Variants in ZNF521 observed in about 807,000 individuals in gnomAD.
ZNF521 encodes zinc finger protein 521.
In ZNF521, 14 loss-of-function variants were observed where a neutral mutation model predicts 105.5. That is an observed-to-expected ratio of 0.13 (90% CI 0.09 to 0.21). ZNF521 has a LOEUF of 0.21. ZNF521 is among the 10% of genes least tolerant of loss of function. ZNF521 has a pLI of 1.00. For missense variants in ZNF521, 1,233 were observed against 1,629.7 expected (o/e 0.76, Z 4.19); for synonymous variants, 635 against 606.0 (o/e 1.05, Z -0.70).
chr18:25,312,620 G>A (rs1912374428), intron 3 of ZNF521, among the ~76,000 whole-genome samples: 1 of 50,616 alleles, frequency 2.0e-5, no homozygotes, highest in African/African-American at 7.5e-5. Flanking sequence ...AGACCATCCT[G>A]GCTAACAAGG....
intron 5 of ZNF521, among the ~76,000 whole-genome samples, chr18:25,152,339 C>A (rs137877014): frequency 6.6e-6 from 1 of 151,782 alleles, no homozygotes; most frequent in African/African-American, 2.4e-5. Context: ...ATTAACCTGG[C>A]GTGGTGGCGC....
intron 3 of ZNF521, among the ~76,000 whole-genome samples, chr18:25,254,951 C>G (rs1300018614): frequency 6.6e-6 from 1 of 152,008 alleles, no homozygotes; most frequent in Non-Finnish European, 1.5e-5. Flanking sequence ...ATGAGTTAAG[C>G]CAGAAGTACA....
intron 3 of ZNF521, among the ~76,000 whole-genome samples, chr18:25,245,486 G>C (rs182371241): frequency 1.3e-5 from 2 of 152,284 alleles, no homozygotes; most frequent in East Asian, 3.9e-4. Flanking sequence ...TTTGCAGCTA[G>C]GTGGATGATG....
chr18:25,206,678 CTTTG>C (rs1179483462), intron 4 of ZNF521, among the ~76,000 whole-genome samples: 1 of 152,040 alleles, frequency 6.6e-6, no homozygotes, highest in Non-Finnish European at 1.5e-5. Flanking sequence ...GCAGTTCTTA[CTTTG>C]TTTCTCTCTT....
intron 3 of ZNF521, among the ~76,000 whole-genome samples, chr18:25,232,792 G>C (rs1230601245): frequency 6.6e-6 from 1 of 152,174 alleles, no homozygotes; most frequent in Non-Finnish European, 1.5e-5. Flanking sequence ...AACATGGTAA[G>C]TTGATTCAGT....
chr18:25,250,082 G>A (rs1908008054), intron 3 of ZNF521, among the ~76,000 whole-genome samples: 2 of 152,072 alleles, frequency 1.3e-5, no homozygotes, highest in African/African-American at 4.8e-5. Flanking sequence ...GGGACTACAG[G>A]TGCCCGCCAC....
intron 3 of ZNF521, among the ~76,000 whole-genome samples, chr18:25,228,034 G>A (rs1568023475): frequency 6.6e-6 from 1 of 152,118 alleles, no homozygotes; most frequent in East Asian, 1.9e-4. Context: ...TATATTTAAT[G>A]TTTCTTTTGT....
At chr18:25,350,638 C>CT (rs1015616573) in intron 2 of ZNF521, among the ~76,000 whole-genome samples, 341 of 146,346 alleles carry the variant, frequency 2.3e-3, no homozygotes, top group African/African-American at 6.5e-3. Context: ...CTCTCTCTCT[C>CT]TTTTTTTTTT....
intron 4 of ZNF521, among the ~76,000 whole-genome samples, chr18:25,196,206 T>C (rs1029297760): frequency 4.0e-5 from 6 of 151,878 alleles, no homozygotes; most frequent in Admixed American, 6.6e-5. Flanking sequence ...TAAACCATTA[T>C]GAAAATAATC....
intron 7 of ZNF521, among the ~76,000 whole-genome samples, chr18:25,064,201 G>C (rs1179877433): frequency 6.6e-6 from 1 of 152,234 alleles, no homozygotes; most frequent in Non-Finnish European, 1.5e-5. Context: ...AGTGCTCACA[G>C]TCTAAAGAAG....
intron 7 of ZNF521, among the ~76,000 whole-genome samples, chr18:25,063,787 G>A (rs1057079192): frequency 1.3e-5 from 2 of 152,064 alleles, no homozygotes; most frequent in African/African-American, 4.8e-5. Flanking sequence ...TGCTTTCCTG[G>A]AGCCATGTTC....
At chr18:25,140,150 G>C in intron 5 of ZNF521, among the ~76,000 whole-genome samples, 1 of 152,140 alleles carries the variant, frequency 6.6e-6, no homozygotes, top group Non-Finnish European at 1.5e-5. Context: ...TCATTTACAT[G>C]AATTTGCTTC....
At chr18:25,236,632 T>C (rs1309454701) in intron 3 of ZNF521, among the ~76,000 whole-genome samples, 3 of 152,188 alleles carry the variant, frequency 2.0e-5, no homozygotes, top group Non-Finnish European at 2.9e-5. Flanking sequence ...CAATCACTAA[T>C]ATGCCTTATA....
At chr18:25,256,702 T>A (rs1356668755) in intron 3 of ZNF521, among the ~76,000 whole-genome samples, 1 of 151,780 alleles carries the variant, frequency 6.6e-6, no homozygotes, top group Admixed American at 6.6e-5. Context: ...TAGTCTGCAG[T>A]CCTTTGTGAG....
intron 5 of ZNF521, among the ~76,000 whole-genome samples, chr18:25,108,492 T>G (rs8099615): frequency 0.49 from 74,853 of 151,914 alleles, 18,539 homozygotes; most frequent in South Asian, 0.66. Context: ...TTTTGGCAAT[T>G]TTAGTAATAA....
chr18:25,260,323 G>C (rs1908820268), intron 3 of ZNF521, among the ~76,000 whole-genome samples: 1 of 152,104 alleles, frequency 6.6e-6, no homozygotes. Context: ...GATTAAGTAA[G>C]CTAAGGTTGG....
intron 5 of ZNF521, among the ~76,000 whole-genome samples, chr18:25,104,601 T>C (rs1375529360): frequency 6.6e-6 from 1 of 152,186 alleles, no homozygotes; most frequent in Non-Finnish European, 1.5e-5. Context: ...GCAGTAGCAA[T>C]GTTTGGTTCC....
At chr18:25,137,846 G>A (rs139186437) in intron 5 of ZNF521, among the ~76,000 whole-genome samples, 13 of 152,256 alleles carry the variant, frequency 8.5e-5, no homozygotes, top group African/African-American at 2.4e-4. Context: ...CAAAGCTAGC[G>A]TTTGATCCTA....
At chr18:25,069,669 C>G (rs1220891376) in intron 7 of ZNF521, among the ~76,000 whole-genome samples, 1 of 152,060 alleles carries the variant, frequency 6.6e-6, no homozygotes, top group African/African-American at 2.4e-5. Context: ...TGCTATAGTT[C>G]AATGCATATT....
Sources: gnomAD v4.1 joint callset for allele counts (sites outside exome capture counted in the v4.1 genomes callset) on GRCh38, gnomAD v4.1.1 for gene constraint, MANE v1.5 for transcripts, NCBI Gene and HGNC (gene_info 2026-07-23, HGNC 2026-07-21) for gene names.